TCN2: variants seen among roughly 807,000 people sequenced by gnomAD.
TCN2 encodes transcobalamin 2, also known as transcobalamin-2.
TCN2 carries 34 observed loss-of-function variants against 48.6 expected under a neutral mutation model. The ratio of observed to expected loss-of-function variants is 0.70; its 90% confidence interval spans 0.53 to 0.93. The LOEUF (loss-of-function observed/expected upper bound fraction) is 0.93. Among genes scored for constraint, TCN2 ranks in the 40% least tolerant of loss-of-function variants. The pLI, the probability that TCN2 is intolerant of heterozygous loss-of-function variation, is 0.00. For synonymous variants in TCN2, 283 were observed against 212.5 expected, an observed-to-expected ratio of 1.33 and a Z score of -2.89; for missense variants, 652 against 526.1, an observed-to-expected ratio of 1.24 and a Z score of -2.34.
intron 7 of TCN2, among the ~76,000 whole-genome samples, chr22:30,618,127 T>G (rs1368711570): frequency 6.6e-6 from 1 of 150,658 alleles, no homozygotes; most frequent in Non-Finnish European, 1.5e-5. Flanking sequence ...TTTTTTTTTT[T>G]TTTTTTGAGA....
intron 2 of TCN2, among the ~76,000 whole-genome samples, chr22:30,612,585 AAGG>A (rs1399405669): frequency 2.0e-5 from 3 of 152,086 alleles, no homozygotes; most frequent in African/African-American, 7.2e-5. Flanking sequence ...AAAAATAAAA[AAGG>A]AGGGGGCATA....
chr22:30,615,872 C>T, intron 6 of TCN2, 85 bp downstream of exon 6: 1 of 1,546,488 alleles, frequency 6.5e-7, no homozygotes, highest in Non-Finnish European at 8.9e-7. Context: ...TTGCTTCATC[C>T]TGATTTGCTG....
chr22:30,626,331 G>A, intron 8 of TCN2, 129 bp from the exon 9 acceptor site: 1 of 979,950 alleles, frequency 1.0e-6, no homozygotes, highest in South Asian at 1.4e-5. Flanking sequence ...GGAGGTTCCA[G>A]CTTCCCACCA....
chr22:30,622,574 T>G (rs7286680), intron 7 of TCN2, among the ~76,000 whole-genome samples: 53,979 of 152,064 alleles, frequency 0.35, 10,086 homozygotes, highest in Non-Finnish European at 0.42. Flanking sequence ...CCCATGACCC[T>G]GCCTGTCTCT....
At chr22:30,620,154 TTTTTA>T (rs1461288964) in intron 7 of TCN2, among the ~76,000 whole-genome samples, 2 of 152,046 alleles carry the variant, frequency 1.3e-5, no homozygotes, top group African/African-American at 2.4e-5. Flanking sequence ...TTTTTTTTTT[TTTTTA>T]AAAGACAAAG....
intron 4 of TCN2, 23 bp from the exon 5 acceptor site, chr22:30,615,274 ATTGC>A (rs770152583): frequency 9.3e-6 from 15 of 1,613,852 alleles, no homozygotes; most frequent in Admixed American, 1.7e-5. Flanking sequence ...TCTCCAGCTC[ATTGC>A]ATGTTCTGTC....
intron 7 of TCN2, among the ~76,000 whole-genome samples, chr22:30,620,657 A>G (rs1192382288): frequency 6.6e-6 from 1 of 152,248 alleles, no homozygotes; most frequent in Non-Finnish European, 1.5e-5. Flanking sequence ...TTCATGTTTG[A>G]ATATTGTCAT....
In TCN2 at chr22:30,626,166, C is replaced by T. The variant is rs148792189; in HGVS notation, c.1223-294C>T. Among the ~76,000 whole-genome samples the T allele has an allele frequency of 4.9e-3, 740 of 152,294 alleles. 6 individuals are homozygous for T. Among genetic ancestry groups the T allele is most frequent in the South Asian group, 0.026 (125 of 4,820 alleles). On this transcript the variant is annotated intron_variant, in intron 8 of 8. Transcript: ENST00000215838. The stretch of plus-strand genomic sequence containing the variant: ...GACTTCTGCGTGGTCCTGGTTCTCT[C>T]TCCAGACTGCACTGCGCAAGTTTCT...
chr22:30,608,931 G>A (rs1352778147), intron 1 of TCN2, among the ~76,000 whole-genome samples: 1 of 152,106 alleles, frequency 6.6e-6, no homozygotes, highest in Non-Finnish European at 1.5e-5. Context: ...GGTTTGGGGT[G>A]CAAATATCTG....
chr22:30,610,837 C>G lies in TCN2; in HGVS notation c.65-34C>G. Reference sequence around the variant, plus strand: ...GCACTTCTTTGCTGGTGGCCTGGCCCTGTGACCTCATTTGTACCATTTTCT... The same window carrying G: ...GCACTTCTTTGCTGGTGGCCTGGCCGTGTGACCTCATTTGTACCATTTTCT... On this transcript the variant is annotated intron_variant, in intron 1 of 8. Transcript: ENST00000215838. The G allele has an allele frequency of 1.9e-6, 3 of 1,612,990 alleles. No individual in the cohort carries two copies. In the South Asian group the frequency reaches 3.3e-5, roughly 18 times the overall value.
chr22:30,621,242 C>T (rs1392088457), intron 7 of TCN2, among the ~76,000 whole-genome samples: 2 of 152,190 alleles, frequency 1.3e-5, no homozygotes, highest in East Asian at 1.9e-4. Flanking sequence ...ATCCACCCAC[C>T]TCCGCCTCCT....
chr22:30,614,410 CCT>C lies in TCN2; in HGVS notation c.490_491del (p.Leu164ValfsTer9). On this transcript the variant is annotated frameshift_variant, in exon 4 of 9. Transcript: ENST00000215838. LOFTEE classifies it high-confidence loss of function. ...YYQYGLGILA[L>X]CLHQKRVHDS... ...ACCAGTATGGCCTGGGCATTCTGGC[CCT>C]GTGTCTCCACCAGAAGCGGGTCCAT... 1 of 1,614,114 alleles carries C rather than the reference CCT, an allele frequency of 6.2e-7. No homozygotes were observed. Among genetic ancestry groups the C allele is most frequent in the Non-Finnish European group, 8.5e-7 (1 of 1,180,008 alleles).
At chr22:30,617,189 T>C in intron 6 of TCN2, 141 bp from the exon 7 acceptor site, 1 of 1,155,556 alleles carries the variant, frequency 8.7e-7, no homozygotes, top group Non-Finnish European at 1.2e-6. Flanking sequence ...AGGTTTCAGC[T>C]GAGCAGGTGG....
Position 30,617,525 on chromosome 22 carries a change from C to T in TCN2, c.1106+30C>T, listed in dbSNP as rs751150029. 3.1e-6 allele frequency: 5 copies of T among 1,613,802 alleles called. No homozygotes were observed. The South Asian group carries it at 3.3e-5, about 11-fold the overall frequency. ...GACTCCCACCTCCCAGTCCTCACCC[C>T]ACCCAACCTCACATGCCTGATAACA... On this transcript the variant is annotated intron_variant, in intron 7 of 8. Coordinates refer to ENST00000215838, the MANE Select transcript of TCN2 (RefSeq NM_000355.4).
chr22:30,618,730 A>C (rs12160944), intron 7 of TCN2, among the ~76,000 whole-genome samples: 1 of 152,092 alleles, frequency 6.6e-6, no homozygotes, highest in African/African-American at 2.4e-5. Context: ...TGCAGCCTCA[A>C]ATTATCCAAG....
At chr22:30,614,286 G>A (rs1044362608) in intron 3 of TCN2, 63 bp from the exon 4 acceptor site, 2 of 1,583,308 alleles carry the variant, frequency 1.3e-6, no homozygotes, top group Non-Finnish European at 1.7e-6. Flanking sequence ...GGTCCCAGGT[G>A]CTGGCGGGGC....
chr22:30,611,585 C>T (rs549966261), intron 2 of TCN2, among the ~76,000 whole-genome samples: 1 of 152,206 alleles, frequency 6.6e-6, no homozygotes, highest in Admixed American at 6.5e-5. Flanking sequence ...TTGGCTTGCC[C>T]CAACCTCCAA....
intron 7 of TCN2, among the ~76,000 whole-genome samples, chr22:30,620,134 A>G (rs2087676302): frequency 6.6e-6 from 1 of 151,072 alleles, no homozygotes. Context: ...TGTAGCCTGG[A>G]TGACAAAACT....
intron 8 of TCN2, among the ~76,000 whole-genome samples, chr22:30,625,932 C>T (rs1052676897): frequency 6.6e-6 from 1 of 152,140 alleles, no homozygotes; most frequent in Non-Finnish European, 1.5e-5. Flanking sequence ...TGAAAGGAAA[C>T]ATTTCTGACA....
Sources: allele counts gnomAD v4.1 joint callset (sites outside exome capture counted in the v4.1 genomes callset), GRCh38; gene constraint gnomAD v4.1.1; transcripts MANE v1.5; gene names NCBI Gene and HGNC (gene_info 2026-07-23, HGNC 2026-07-21).